The following GOLGA5 variants were observed in gnomAD, a reference collection of about 807,000 sequenced individuals.
GOLGA5 encodes the protein golgin A5.
In GOLGA5, 50 loss-of-function variants were observed where a neutral mutation model predicts 93.5. The observed-to-expected ratio is 0.53, with a 90% CI of 0.43 to 0.68. The LOEUF is 0.68. Among genes scored for constraint, GOLGA5 ranks in the 30% least tolerant of loss-of-function variants. GOLGA5 has a pLI of 0.00. For synonymous variants in GOLGA5, 312 were observed against 304.5 expected (o/e 1.02, Z -0.26); for missense variants, 760 against 856.4 (o/e 0.89, Z 1.40).
intron 1 of GOLGA5, among the ~76,000 whole-genome samples, chr14:92,796,837 G>T (rs12878354): frequency 0.068 from 2,715 of 39,806 alleles, 454 homozygotes; most frequent in Middle Eastern, 0.22. Flanking sequence ...GGGCGCGGTG[G>T]CGGGTGCCTG....
chr14:92,804,152 A>C (rs1884932422), intron 2 of GOLGA5, among the ~76,000 whole-genome samples: 1 of 152,126 alleles, frequency 6.6e-6, no homozygotes, highest in Admixed American at 6.5e-5. Context: ...TTTCCTTCAG[A>C]ATACTGCCTT....
intron 6 of GOLGA5, among the ~76,000 whole-genome samples, chr14:92,814,679 G>A (rs1885167672): frequency 6.6e-6 from 1 of 152,070 alleles, no homozygotes; most frequent in Non-Finnish European, 1.5e-5. Context: ...CTACCACCCA[G>A]AAAAGGAAAA....
At position 92,806,789 on chromosome 14, in the gene GOLGA5, G is replaced by A. The variant is rs979805043; in HGVS notation, c.598G>A (p.Glu200Lys). ...SHEGQEESSKENVSSNAACPD... is the reference protein window; with the variant it reads ...SHEGQEESSKKNVSSNAACPD... The stretch of plus-strand genomic sequence containing the variant: ...TGAAGGTCAAGAGGAATCTTCAAAG[G>A]AAAATGTGTCATCAAATGCTGCCTG... Residue 200 changes from glutamate to lysine, a missense_variant, in exon 3 of 13, where the codon GAA becomes AAA. Physicochemically the swap from Glu to Lys is moderately conservative, Grantham distance 56 (BLOSUM62 1). Transcript: ENST00000163416. The A allele has an allele frequency of 3.1e-6, 5 of 1,613,852 alleles. No homozygotes were observed. Among genetic ancestry groups the A allele is most frequent in the Non-Finnish European group, 3.4e-6 (4 of 1,179,880 alleles).
chr14:92,805,046 T>G (rs900331622), intron 2 of GOLGA5, among the ~76,000 whole-genome samples: 1 of 152,208 alleles, frequency 6.6e-6, no homozygotes, highest in African/African-American at 2.4e-5. Flanking sequence ...AATGTACATA[T>G]ATTAAGATGC....
Position 92,811,561 on chromosome 14 carries a change from C to T in GOLGA5, c.1127C>T (p.Ala376Val). ...ESYKQMQSEF[A>V]ARLNKVEMER... is the part of the protein sequence containing the mutation. ...AAAAATTTGTCACAGAGCGAGTTTGCTGCACGCCTTAATAAAGTGGAAATG... is the reference window on the plus strand; with the variant it reads ...AAAAATTTGTCACAGAGCGAGTTTGTTGCACGCCTTAATAAAGTGGAAATG... Residue 376 changes from alanine (A) to valine (V), a missense_variant, in exon 6 of 13, where the codon GCT (alanine) becomes GTT (valine). Transcript: ENST00000163416. 6.2e-7 allele frequency: 1 copy of T among 1,608,082 alleles called. No homozygotes were observed. The highest frequency in any genetic ancestry group is 8.5e-7 in the Non-Finnish European group (1 of 1,174,638).
intron 2 of GOLGA5, among the ~76,000 whole-genome samples, chr14:92,799,363 A>G (rs924233945): frequency 1.6e-4 from 19 of 122,508 alleles, no homozygotes; most frequent in African/African-American, 6.0e-4. Context: ...TGCAAGCTCC[A>G]CCTCCTGGGT....
intron 2 of GOLGA5, 65 bp downstream of exon 2, chr14:92,798,046 G>A (rs993796751): frequency 9.5e-7 from 1 of 1,056,588 alleles, no homozygotes; most frequent in South Asian, 1.5e-5. Context: ...CATATGATCC[G>A]ATGGTGTTTC....
chr14:92,795,238 C>CTGTA (rs1463057559), intron 1 of GOLGA5, among the ~76,000 whole-genome samples: 6 of 152,182 alleles, frequency 3.9e-5, no homozygotes, highest in Admixed American at 3.9e-4. Context: ...AGTGCCTGGC[C>CTGTA]TGTATGGTGT....
intron 3 of GOLGA5, among the ~76,000 whole-genome samples, chr14:92,808,373 G>A (rs915139058): frequency 9.2e-5 from 14 of 152,200 alleles, no homozygotes; most frequent in Non-Finnish European, 1.6e-4. Flanking sequence ...AGTGAGTCAC[G>A]CCTGTAATCC....
At chr14:92,825,007 C>T (rs2140330084) in intron 9 of GOLGA5, among the ~76,000 whole-genome samples, 1 of 152,270 alleles carries the variant, frequency 6.6e-6, no homozygotes, top group South Asian at 2.1e-4. Context: ...AATGATTGAT[C>T]AGTCTTCCAT....
At chr14:92,839,066 T>C (rs1370117186) in intron 12 of GOLGA5, among the ~76,000 whole-genome samples, 1 of 152,248 alleles carries the variant, frequency 6.6e-6, no homozygotes, top group East Asian at 1.9e-4. Flanking sequence ...ACCAACTTCA[T>C]GTGTATCTAG....
intron 2 of GOLGA5, among the ~76,000 whole-genome samples, chr14:92,801,071 A>G (rs762266413): frequency 2.6e-5 from 4 of 152,186 alleles, no homozygotes; most frequent in African/African-American, 4.8e-5. Context: ...AGCACCCCCA[A>G]TTGTGACAAC....
chr14:92,796,971 C>T (rs1451771883), intron 1 of GOLGA5, among the ~76,000 whole-genome samples: 1 of 70,704 alleles, frequency 1.4e-5, no homozygotes, highest in Non-Finnish European at 2.5e-5. Flanking sequence ...AGCGAGACTC[C>T]GTCTCAAAAA....
chr14:92,814,403 C>T (rs189278597), intron 6 of GOLGA5, among the ~76,000 whole-genome samples: 4 of 152,060 alleles, frequency 2.6e-5, no homozygotes, highest in African/African-American at 7.2e-5. Flanking sequence ...TGACAAGTCC[C>T]GAGCTAAATT....
At chr14:92,821,861 A>G (rs987120038) in intron 8 of GOLGA5, among the ~76,000 whole-genome samples, 13 of 152,208 alleles carry the variant, frequency 8.5e-5, no homozygotes, top group Non-Finnish European at 1.6e-4. Flanking sequence ...AATTTATTCA[A>G]GGCACTATTA....
At position 92,839,454 on chromosome 14, in the gene GOLGA5, C is replaced by T. The variant is rs1368906971; in HGVS notation, c.*8C>T. 6.3e-7 allele frequency: 1 copy of T among 1,585,148 alleles called. No homozygotes were observed. Among genetic ancestry groups the T allele is most frequent in the Non-Finnish European group, 8.6e-7 (1 of 1,158,868 alleles). On this transcript the variant is annotated 3_prime_UTR_variant, in exon 13 of 13. Coordinates refer to ENST00000163416, the MANE Select transcript of GOLGA5 (RefSeq NM_005113.4). ...CAACCATATGGCAAATGAACCAAGC[C>T]CAGTTGTTGCAGTGATTGGTTGTCT... is the stretch of plus-strand genomic sequence containing the variant.
chr14:92,806,258 C>T (rs1884983936), intron 2 of GOLGA5, among the ~76,000 whole-genome samples: 1 of 152,184 alleles, frequency 6.6e-6, no homozygotes, highest in African/African-American at 2.4e-5. Flanking sequence ...GTCCATATGC[C>T]CCATTTATGA....
intron 12 of GOLGA5, 59 bp downstream of exon 12, chr14:92,837,508 TTG>T (rs1885670338): frequency 1.4e-5 from 11 of 765,224 alleles, no homozygotes; most frequent in Non-Finnish European, 2.3e-5. Flanking sequence ...GTTTTTTTTT[TTG>T]TTTGTTTGTT....
chr14:92,824,684 G>A (rs1885381107), intron 9 of GOLGA5, 40 bp downstream of exon 9: 6 of 1,007,826 alleles, frequency 6.0e-6, no homozygotes, highest in Non-Finnish European at 9.3e-6. Flanking sequence ...AGATGCCACT[G>A]ATAAAGCTAC....
Sources: gnomAD v4.1 joint callset for allele counts (sites outside exome capture counted in the v4.1 genomes callset) on GRCh38, gnomAD v4.1.1 for gene constraint, MANE v1.5 for transcripts, NCBI Gene and HGNC (gene_info 2026-07-23, HGNC 2026-07-21) for gene names.